GTSE1: variants seen among roughly 807,000 people sequenced by gnomAD.
The protein encoded by GTSE1 is G2 and S phase-expressed protein 1.
A neutral mutation model predicts 60.5 loss-of-function variants in GTSE1; 52 were observed. That is an observed-to-expected ratio of 0.86 (90% CI 0.69 to 1.08). The LOEUF (loss-of-function observed/expected upper bound fraction) is 1.08, where lower values mean the gene tolerates loss of function less well. Among genes scored for constraint, GTSE1 ranks in the 50% least tolerant of loss-of-function variants. The pLI is 0.00. For synonymous variants in GTSE1, 368 were observed against 386.5 expected (o/e 0.95, Z 0.56); for missense variants, 937 against 961.8 (o/e 0.97, Z 0.34).
At chr22:46,323,840 A>T (rs1372592671) in intron 8 of GTSE1, among the ~76,000 whole-genome samples, 1 of 151,996 alleles carries the variant, frequency 6.6e-6, no homozygotes, top group African/African-American at 2.4e-5. Context: ...GGCACCCGCC[A>T]CCACACCCGG....
chr22:46,322,911 G>A (rs1248609184), intron 7 of GTSE1, among the ~76,000 whole-genome samples: 3 of 152,228 alleles, frequency 2.0e-5, no homozygotes, highest in South Asian at 2.1e-4. Flanking sequence ...AGCCAGGGTG[G>A]GGCGGCGCAG....
At position 46,318,684 on chromosome 22, in the gene GTSE1, G is replaced by A. The variant is rs901666313; in HGVS notation, c.1432+2272G>A. Among the ~76,000 whole-genome samples, 1 of 152,152 alleles carries A rather than the reference G, an allele frequency of 6.6e-6. No homozygotes were observed. The highest frequency in any genetic ancestry group is 1.5e-5 in the Non-Finnish European group (1 of 68,012). On this transcript the variant is annotated intron_variant, in intron 7 of 11. Transcript: ENST00000454366. This position sits in a 1 kb window ranked among gnomAD's most constrained non-coding sequence, Gnocchi z 4.8. ...GGGGAGCACTCCAGGCAGAGGCAAC[G>A]GCAGGAGTGCAGAGGTCCTGGGGCA...
rs1468481714 is a variant in GTSE1, at chr22:46,313,564, A to G, written c.928-326A>G. Among the ~76,000 whole-genome samples the G allele has an allele frequency of 6.6e-6, 1 of 152,210 alleles. No individual in the cohort carries two copies. On this transcript the variant is annotated intron_variant, in intron 5 of 11. Coordinates refer to ENST00000454366, the MANE Select transcript of GTSE1 (RefSeq NM_016426.7). This position sits in a 1 kb window ranked among gnomAD's most constrained non-coding sequence, Gnocchi z 4.4. Reference sequence around the variant, plus strand: ...CACTCTGTCGCCCAGGCTGGAGTGCAATGGCACGAGCTCAGCTCACTACAA... The same window carrying G: ...CACTCTGTCGCCCAGGCTGGAGTGCGATGGCACGAGCTCAGCTCACTACAA...
At chr22:46,322,958 C>A (rs1372487746) in intron 7 of GTSE1, among the ~76,000 whole-genome samples, 1 of 152,232 alleles carries the variant, frequency 6.6e-6, no homozygotes, top group Non-Finnish European at 1.5e-5. Context: ...CGTGTCCATC[C>A]ATCAGACCAC....
At position 46,329,274 on chromosome 22, in the gene GTSE1, G is replaced by A. The variant is rs949821512; in HGVS notation, c.1927-84G>A. 1.8e-5 allele frequency: 21 copies of A among 1,171,476 alleles called. No individual in the cohort carries two copies. Among genetic ancestry groups the A allele is most frequent in the Non-Finnish European group, 2.5e-5 (20 of 785,618 alleles). 72.6% of individuals were successfully genotyped at this position (1,171,476 alleles called of 1,614,324 possible). Reference sequence around the variant, plus strand: ...GGCTTTCCAAACCGCCAGCCCACCTGGAACATGAGCAAAGCTCACATTCTC... The same window carrying A: ...GGCTTTCCAAACCGCCAGCCCACCTAGAACATGAGCAAAGCTCACATTCTC... On this transcript the variant is annotated intron_variant, in intron 10 of 11. Coordinates refer to ENST00000454366, the MANE Select transcript of GTSE1 (RefSeq NM_016426.7). This position sits in a 1 kb window ranked among gnomAD's most constrained non-coding sequence, Gnocchi z 6.4.
Position 46,318,868 on chromosome 22 carries a change from T to G in GTSE1, c.1432+2456T>G, listed in dbSNP as rs1005846413. Among the ~76,000 whole-genome samples, 1 of 152,156 alleles carries G rather than the reference T, an allele frequency of 6.6e-6. No homozygotes were observed. Among genetic ancestry groups the G allele is most frequent in the African/African-American group, 2.4e-5 (1 of 41,424 alleles). On this transcript the variant is annotated intron_variant, in intron 7 of 11. Coordinates refer to ENST00000454366, the MANE Select transcript of GTSE1 (RefSeq NM_016426.7). This position sits in a 1 kb window ranked among gnomAD's most constrained non-coding sequence, Gnocchi z 4.8. ...ATCCTGTGCTGCCGTGATGAGCTTC[T>G]CATCCTCATGGTCTAGTGTGGCTGC...
rs2147835827 is a variant in GTSE1, at chr22:46,329,303, A to C, written c.1927-55A>C. 2 of 1,384,610 alleles carry C rather than the reference A, an allele frequency of 1.4e-6. No homozygotes were observed. Among genetic ancestry groups the C allele is most frequent in the South Asian group, 1.2e-5 (1 of 86,492 alleles). 85.8% of individuals were successfully genotyped at this position (1,384,610 alleles called of 1,614,324 possible). ...CATGAGCAAAGCTCACATTCTCCCA[A>C]GATGGTTGCCAGAAAGATGCTGGAC... On this transcript the variant is annotated intron_variant, in intron 10 of 11. Coordinates refer to ENST00000454366, the MANE Select transcript of GTSE1 (RefSeq NM_016426.7). The surrounding 1 kb of genome is among the most constrained non-coding windows in gnomAD (Gnocchi z 6.4).
intron 8 of GTSE1, among the ~76,000 whole-genome samples, chr22:46,325,355 C>T (rs1320617273): frequency 2.0e-5 from 3 of 152,160 alleles, no homozygotes; most frequent in Non-Finnish European, 4.4e-5. Flanking sequence ...TGCCACCACA[C>T]CCGGCTCATT....
chr22:46,329,927 C>A lies in GTSE1; in HGVS notation c.2137-120C>A. ...TGGTGGCCCAGAGTGCTTTTCAGTG[C>A]ACCCGAGCCAGGATGAGCGAGTGGC... On this transcript the variant is annotated intron_variant, in intron 11 of 11. Transcript: ENST00000454366. This position sits in a 1 kb window ranked among gnomAD's most constrained non-coding sequence, Gnocchi z 6.4. 1 of 690,394 alleles carries A rather than the reference C, an allele frequency of 1.4e-6. No individual in the cohort carries two copies. The highest frequency in any genetic ancestry group is 1.6e-5 in the South Asian group (1 of 61,788). The allele number at this position is 690,394 out of a possible 1,614,324, so 42.8% of individuals were successfully genotyped here.
intron 2 of GTSE1, among the ~76,000 whole-genome samples, chr22:46,306,690 G>A (rs1469572507): frequency 1.3e-5 from 2 of 151,456 alleles, no homozygotes; most frequent in Admixed American, 6.6e-5. Context: ...ATTTTGCCAC[G>A]TTGGCCAGGC....
rs551490317 is a variant in GTSE1 at position 46,314,850 on chromosome 22, CAAA to C, written c.1051+852_1051+854del. 7.2e-4 allele frequency among the ~76,000 whole-genome samples: 70 copies of C among 96,716 alleles called. No individual in the cohort carries two copies. The highest frequency in any genetic ancestry group is 1.2e-3 in the Non-Finnish European group (54 of 43,700). The allele number at this position is 96,716 out of a possible 152,430, so 63.4% of individuals were successfully genotyped here. On this transcript the variant is annotated intron_variant, in intron 6 of 11. Transcript: ENST00000454366. This position sits in a 1 kb window ranked among gnomAD's most constrained non-coding sequence, Gnocchi z 7.1. ...GAGATTGCATCACTGCACTCCGTCT[CAAA>C]AAAAAAAAAAAAAATGATAAGTGTG...
chr22:46,327,328 G>C (rs1185394446), intron 9 of GTSE1: 2 of 152,208 alleles, frequency 1.3e-5, no homozygotes, highest in Non-Finnish European at 2.9e-5. Flanking sequence ...TTCCAATGAA[G>C]TCACACCTCA....
At chr22:46,315,492 G>A (rs1261307879) in intron 6 of GTSE1, among the ~76,000 whole-genome samples, 4 of 152,054 alleles carry the variant, frequency 2.6e-5, no homozygotes, top group Non-Finnish European at 4.4e-5. Flanking sequence ...CCACTCCTGG[G>A]CTAAAGTTTT....
Position 46,314,467 on chromosome 22 carries a change from G to A in GTSE1, c.1051+454G>A, listed in dbSNP as rs1307856670. On this transcript the variant is annotated intron_variant, in intron 6 of 11. Transcript: ENST00000454366. This position sits in a 1 kb window ranked among gnomAD's most constrained non-coding sequence, Gnocchi z 7.1. The stretch of plus-strand genomic sequence containing the variant: ...GCCAAGCCACAGCTGCCATCTAGTG[G>A]TAAGGGAAAGCCTTCGCCTTTCTGC... Among the ~76,000 whole-genome samples, 1 of 152,126 alleles carries A rather than the reference G, an allele frequency of 6.6e-6. No homozygotes were observed. The highest frequency in any genetic ancestry group is 1.5e-5 in the Non-Finnish European group (1 of 68,034).
chr22:46,315,769 G>A lies in GTSE1; in HGVS notation c.1052-263G>A, dbSNP rs1468106894. On this transcript the variant is annotated intron_variant, in intron 6 of 11. Transcript: ENST00000454366. ...GATTTCTCCTGCCAACATAATCAAC[G>A]AAGATAGGAGAGCTTGAATTTATGC... 2.6e-5 allele frequency among the ~76,000 whole-genome samples: 4 copies of A among 152,280 alleles called. No homozygotes were observed. In the East Asian group the frequency reaches 5.8e-4, roughly 22 times the overall value.
chr22:46,299,224 G>A (rs1236866838), intron 2 of GTSE1, among the ~76,000 whole-genome samples: 1 of 152,232 alleles, frequency 6.6e-6, no homozygotes, highest in African/African-American at 2.4e-5. Flanking sequence ...CCCCTCTGCT[G>A]TCTTCTGAGG....
intron 8 of GTSE1, among the ~76,000 whole-genome samples, 189 bp from the exon 9 acceptor site, chr22:46,326,247 T>C (rs544021887): frequency 6.6e-6 from 1 of 152,314 alleles, no homozygotes; most frequent in East Asian, 1.9e-4. Context: ...CCAGGATGGG[T>C]TGGTAGCAGC....
rs2077863870 is a variant in GTSE1, at chr22:46,329,482, C to A, written c.2051C>A (p.Ser684Tyr). 6 of 1,614,182 alleles carry A rather than the reference C, an allele frequency of 3.7e-6. No individual in the cohort carries two copies. The highest frequency in any genetic ancestry group is 5.1e-6 in the Non-Finnish European group (6 of 1,180,010). Residue 684 changes from serine to tyrosine, a missense_variant, in exon 11 of 12, where the codon TCT (serine) becomes TAT (tyrosine). Physicochemically the swap from Ser to Tyr is moderately radical, Grantham distance 144. Transcript: ENST00000454366. This position sits in a 1 kb window ranked among gnomAD's most constrained non-coding sequence, Gnocchi z 6.4. ...DTPEAHVAVG[S>Y]ESRPLIDLMT... is the part of the protein sequence containing the mutation. ...CCAGAAGCACACGTGGCTGTAGGAT[C>A]TGAAAGCAGGCCTCTGATCGACCTC...
intron 9 of GTSE1, among the ~76,000 whole-genome samples, chr22:46,328,032 A>G (rs1052624014): frequency 6.6e-6 from 1 of 152,272 alleles, no homozygotes; most frequent in Non-Finnish European, 1.5e-5. Flanking sequence ...GAATTTTCTT[A>G]TGAAACCTCT....
Sources: allele counts gnomAD v4.1 joint callset (sites outside exome capture counted in the v4.1 genomes callset), GRCh38; gene constraint gnomAD v4.1.1; non-coding constraint Gnocchi (gnomAD v3.1); transcripts MANE v1.5; gene names NCBI Gene and HGNC (gene_info 2026-07-23, HGNC 2026-07-21).